The following MAN1A1 variants were observed in gnomAD, a reference collection of about 807,000 sequenced individuals.
MAN1A1 encodes the protein mannosyl-oligosaccharide 1,2-alpha-mannosidase IA.
A neutral mutation model predicts 70.8 loss-of-function variants in MAN1A1; 29 were observed. That is an observed-to-expected ratio of 0.41 (90% CI 0.31 to 0.56). MAN1A1 has a LOEUF of 0.56. MAN1A1 is among the 20% of genes least tolerant of loss of function. MAN1A1 has a pLI of 0.29. For missense variants in MAN1A1, 747 were observed against 841.3 expected, an observed-to-expected ratio of 0.89 and a Z score of 1.39; for synonymous variants, 349 against 330.1, an observed-to-expected ratio of 1.06 and a Z score of -0.62.
chr6:119,349,964 G>C (rs968712626), upstream of MAN1A1, among the ~76,000 whole-genome samples: 1 of 152,054 alleles, frequency 6.6e-6, no homozygotes, highest in African/African-American at 2.4e-5. Context: ...CGCGGGGCCG[G>C]GAGGCGCGAG....
intron 6 of MAN1A1, among the ~76,000 whole-genome samples, chr6:119,213,802 T>C (rs1204197640): frequency 6.6e-6 from 1 of 152,230 alleles, no homozygotes; most frequent in Non-Finnish European, 1.5e-5. Context: ...TAATCCATTA[T>C]ATTTTCTATG....
chr6:119,213,754 A>G (rs1044791091), intron 6 of MAN1A1, among the ~76,000 whole-genome samples: 5 of 152,202 alleles, frequency 3.3e-5, no homozygotes, highest in African/African-American at 1.2e-4. Flanking sequence ...CTGCATTTGT[A>G]ATAAGGCAGC....
chr6:119,298,741 C>T (rs376324420), intron 4 of MAN1A1, among the ~76,000 whole-genome samples: 43 of 151,938 alleles, frequency 2.8e-4, no homozygotes, highest in East Asian at 2.1e-3. Flanking sequence ...GGACTACAGG[C>T]GTGTGCCACC....
Position 119,313,081 on chromosome 6 carries a change from CCTTT to C in MAN1A1, c.604-6093_604-6090del, listed in dbSNP as rs1230523601. ...AGAACTTAGGAAGGAAGTTCTCCTT[CCTTT>C]GATGCTTTGACCTTTAGCTGAACTC... On this transcript the variant is annotated intron_variant, in intron 2 of 12. Transcript: ENST00000368468. Among the ~76,000 whole-genome samples, 35 of 152,162 alleles carry C rather than the reference CCTTT, an allele frequency of 2.3e-4. 1 individual carries two copies. The highest frequency in any genetic ancestry group is 7.2e-4 in the Admixed American group (11 of 15,290).
intron 6 of MAN1A1, among the ~76,000 whole-genome samples, chr6:119,217,782 C>A (rs1774250308): frequency 6.6e-6 from 1 of 152,178 alleles, no homozygotes; most frequent in Admixed American, 6.5e-5. Flanking sequence ...GCGCCTCCAA[C>A]CTGCCAATCC....
intron 6 of MAN1A1, among the ~76,000 whole-genome samples, chr6:119,237,499 CTTCCTCCTTTTT>C (rs1383883463): frequency 6.6e-6 from 1 of 152,050 alleles, no homozygotes; most frequent in Non-Finnish European, 1.5e-5. Context: ...GTCAGTAATA[CTTCCTCCTTTTT>C]TGCTTTTTGG....
In MAN1A1 at chr6:119,231,378, G is replaced by A. The variant is rs144964258; in HGVS notation, c.992+16882C>T. Among the ~76,000 whole-genome samples, 905 of 152,232 alleles carry A rather than the reference G, an allele frequency of 5.9e-3. 31 individuals carry two copies. In the East Asian group the frequency reaches 0.09, roughly 15 times the overall value. On this transcript the variant is annotated intron_variant, in intron 6 of 12. Coordinates refer to ENST00000368468, the MANE Select transcript of MAN1A1 (RefSeq NM_005907.4). The stretch of plus-strand genomic sequence containing the variant: ...CTGCTGCCACTCACTCCGTCCTGCC[G>A]CCCTGTGAAGAAGGTGCCTGCTTCT...
At chr6:119,261,410 A>AT (rs1386550379) in intron 5 of MAN1A1, among the ~76,000 whole-genome samples, 1 of 152,214 alleles carries the variant, frequency 6.6e-6, no homozygotes, top group Non-Finnish European at 1.5e-5. Context: ...TATTCAACAA[A>AT]TATTTATTTA....
chr6:119,292,980 T>G (rs1022871), intron 4 of MAN1A1, among the ~76,000 whole-genome samples: 57,355 of 151,898 alleles, frequency 0.38, 11,311 homozygotes, highest in Non-Finnish European at 0.41. Context: ...TAATAAAATC[T>G]AATAAACTTA....
chr6:119,278,182 T>C lies in MAN1A1; in HGVS notation c.897+12501A>G, dbSNP rs187549357. On this transcript the variant is annotated intron_variant, in intron 5 of 12. Coordinates refer to ENST00000368468, the MANE Select transcript of MAN1A1 (RefSeq NM_005907.4). ...ACAAAACAAAAACCAATGACAAAAA[T>C]CCAAAACAAATTCACAGCACCACAA... 2.4e-3 allele frequency among the ~76,000 whole-genome samples: 361 copies of C among 151,402 alleles called. 2 individuals carry two copies. Among genetic ancestry groups the C allele is most frequent in the African/African-American group, 8.0e-3 (330 of 41,230 alleles).
chr6:119,292,744 C>G (rs954155611), intron 4 of MAN1A1, among the ~76,000 whole-genome samples: 1 of 151,906 alleles, frequency 6.6e-6, no homozygotes, highest in Admixed American at 6.6e-5. Flanking sequence ...GTGTGTTTAA[C>G]TGTATTTTAT....
intron 6 of MAN1A1, 110 bp from the exon 7 acceptor site, chr6:119,204,992 T>C (rs1191179976): frequency 1.2e-5 from 13 of 1,064,006 alleles, no homozygotes; most frequent in South Asian, 1.7e-5. Context: ...TCCTAGCTAA[T>C]AGTCCACTCT....
chr6:119,187,042 C>CT (rs1170863639), intron 11 of MAN1A1, among the ~76,000 whole-genome samples: 1 of 151,938 alleles, frequency 6.6e-6, no homozygotes, highest in African/African-American at 2.4e-5. Context: ...AAGCAACCCC[C>CT]TGAAGAACAC....
chr6:119,317,421 A>T (rs1428362060), intron 2 of MAN1A1, among the ~76,000 whole-genome samples: 1 of 152,158 alleles, frequency 6.6e-6, no homozygotes, highest in Non-Finnish European at 1.5e-5. Flanking sequence ...CCAGTAATTT[A>T]CTGTCTGCAT....
intron 5 of MAN1A1, among the ~76,000 whole-genome samples, chr6:119,283,760 G>A (rs1321882023): frequency 6.6e-6 from 1 of 152,092 alleles, no homozygotes; most frequent in African/African-American, 2.4e-5. Flanking sequence ...CTGTTATGAA[G>A]GAAACCAGAA....
At chr6:119,232,852 T>A (rs1400563978) in intron 6 of MAN1A1, among the ~76,000 whole-genome samples, 1 of 152,096 alleles carries the variant, frequency 6.6e-6, no homozygotes, top group Non-Finnish European at 1.5e-5. Context: ...TCTGTTTTCC[T>A]TTAGAATCAA....
chr6:119,227,318 G>A (rs111858651), intron 6 of MAN1A1, among the ~76,000 whole-genome samples: 1 of 152,156 alleles, frequency 6.6e-6, no homozygotes, highest in African/African-American at 2.4e-5. Flanking sequence ...TGTGAGTAAC[G>A]AAAAGTTGTA....
At chr6:119,329,544 G>C (rs1472549047) in intron 2 of MAN1A1, among the ~76,000 whole-genome samples, 1 of 151,360 alleles carries the variant, frequency 6.6e-6, no homozygotes, top group Non-Finnish European at 1.5e-5. Context: ...AAAAGCACTT[G>C]GGAACATGTG....
rs565299369 is a variant in MAN1A1, at chr6:119,326,151, C to T, written c.604-19159G>A. Among the ~76,000 whole-genome samples, 6 of 152,324 alleles carry T rather than the reference C, an allele frequency of 3.9e-5. No homozygotes were observed. The South Asian group carries it at 1.0e-3, about 26-fold the overall frequency. ...ACAGCTTTATTCAGCATCTCTCTTA[C>T]ACTTTCTGCTCTGTCTCGGCTGCTT... On this transcript the variant is annotated intron_variant, in intron 2 of 12. Transcript: ENST00000368468.
Sources: allele counts gnomAD v4.1 joint callset (sites outside exome capture counted in the v4.1 genomes callset), GRCh38; gene constraint gnomAD v4.1.1; transcripts MANE v1.5; gene names NCBI Gene and HGNC (gene_info 2026-07-23, HGNC 2026-07-21).